Variants in RDH10 observed in about 807,000 individuals in gnomAD.
RDH10 encodes the protein retinol dehydrogenase 10.
RDH10 carries 12 observed loss-of-function variants against 30.2 expected under a neutral mutation model. The ratio of observed to expected loss-of-function variants is 0.40; its 90% CI spans 0.25 to 0.64. The LOEUF (loss-of-function observed/expected upper bound fraction) is 0.64, where lower values mean the gene tolerates loss of function less well. Among genes scored for constraint, RDH10 ranks in the 30% least tolerant of loss-of-function variants. RDH10 has a pLI of 0.43. For missense variants in RDH10, 268 were observed against 445.2 expected, an observed-to-expected ratio of 0.60 and a Z score of 3.58; for synonymous variants, 189 against 172.2, an observed-to-expected ratio of 1.10 and a Z score of -0.76.
Position 73,323,570 on chromosome 8 carries a change from A to G in RDH10, c.*534A>G, listed in dbSNP as rs1425273393. On this transcript the variant is annotated 3_prime_UTR_variant, in exon 6 of 6. Coordinates refer to ENST00000240285, the MANE Select transcript of RDH10 (RefSeq NM_172037.5). ...AAAAGGAATTTTGAAATCTCCATCAACTGAAGTAAATGATGTCTGAGTGTT... is the reference window on the plus strand; with the variant it reads ...AAAAGGAATTTTGAAATCTCCATCAGCTGAAGTAAATGATGTCTGAGTGTT... 3 of 153,586 alleles carry G rather than the reference A, an allele frequency of 2.0e-5. No individual in the cohort carries two copies. The highest frequency in any genetic ancestry group is 7.2e-5 in the African/African-American group (3 of 41,440). The allele number at this position is 153,586 out of a possible 1,614,324, so 9.5% of individuals were successfully genotyped here. A position where few individuals can be genotyped will look rare whatever the true frequency, so the allele number is the denominator to read the frequency against.
chr8:73,321,213 T>G, intron 4 of RDH10, 136 bp downstream of exon 4: 1 of 842,008 alleles, frequency 1.2e-6, no homozygotes, highest in Non-Finnish European at 1.8e-6. Flanking sequence ...ATTTGTAAAG[T>G]TTGTAAAATT....
At chr8:73,321,941 CAT>C (rs754229556) in intron 4 of RDH10, 88 of 456,262 alleles carry the variant, frequency 1.9e-4, no homozygotes, top group African/African-American at 1.2e-3. Flanking sequence ...TTATCCCACA[CAT>C]GTGTGTGTCT....
intron 2 of RDH10, among the ~76,000 whole-genome samples, chr8:73,316,949 C>T (rs2130376954): frequency 6.6e-6 from 1 of 152,262 alleles, no homozygotes; most frequent in South Asian, 2.1e-4. Flanking sequence ...CCCACCAGGC[C>T]ATACCTCTGA....
rs114058692 is a variant in RDH10 at position 73,316,813 on chromosome 8, G to A, written c.526-2283G>A. Among the ~76,000 whole-genome samples, 253 of 152,264 alleles carry A rather than the reference G, an allele frequency of 1.7e-3. 3 individuals are homozygous for A. The highest frequency in any genetic ancestry group is 5.5e-3 in the African/African-American group (230 of 41,530). The stretch of plus-strand genomic sequence containing the variant: ...ATAAACACGGCAGAAGCAGGAGGAA[G>A]CGAGGGGGTGGGGGCTGCACACGTT... On this transcript the variant is annotated intron_variant, in intron 2 of 5. Coordinates refer to ENST00000240285, the MANE Select transcript of RDH10 (RefSeq NM_172037.5).
chr8:73,325,169 C>A lies in RDH10; in HGVS notation c.*2133C>A, dbSNP rs1779011866. 1 of 152,192 alleles carries A rather than the reference C, an allele frequency of 6.6e-6. No homozygotes were observed. The highest frequency in any genetic ancestry group is 2.4e-5 in the African/African-American group (1 of 41,440). The allele number at this position is 152,192 out of a possible 1,614,324, so 9.4% of individuals were successfully genotyped here. ...CCACCTTAAAACTGAGGAAAGTCGT[C>A]TTTACATCTAATTTTATTCTTGTGT... On this transcript the variant is annotated 3_prime_UTR_variant, in exon 6 of 6. Transcript: ENST00000240285.
In RDH10 at chr8:73,320,927, C is replaced by T; in HGVS notation, c.625-5C>T. ...TATTTCTGCTTTCTCCCCTCTTTAA[C>T]TCAGGATTACTGTGCCAGTAAATTT... On this transcript the variant is annotated splice_region_variant and splice_polypyrimidine_tract_variant and intron_variant, in intron 3 of 5. Coordinates refer to ENST00000240285, the MANE Select transcript of RDH10 (RefSeq NM_172037.5). 6.2e-7 allele frequency: 1 copy of T among 1,613,974 alleles called. No individual in the cohort carries two copies. The highest frequency in any genetic ancestry group is 1.3e-5 in the African/African-American group (1 of 75,038).
chr8:73,306,376 T>C (rs1192002783), intron 2 of RDH10, among the ~76,000 whole-genome samples: 2 of 152,282 alleles, frequency 1.3e-5, no homozygotes. Flanking sequence ...TTCTTGAATT[T>C]TTTTTCTTCT....
In RDH10 at chr8:73,295,472, G is replaced by T; in HGVS notation, c.183G>T (p.Ala61=). The change falls in exon 1 of 6, where the codon GCG becomes GCT. Residue 61 remains alanine (A), a synonymous_variant. Coordinates refer to ENST00000240285, the MANE Select transcript of RDH10 (RefSeq NM_172037.5). ...LFALEFARRR[A]LLVLWDINTQ... The stretch of plus-strand genomic sequence containing the variant: ...CGCTGGAGTTCGCCCGGCGTCGGGC[G>T]CTGCTGGTGCTGTGGGACATCAACA... The T allele has an allele frequency of 6.4e-7, 1 of 1,551,968 alleles. No individual in the cohort carries two copies. Among genetic ancestry groups the T allele is most frequent in the South Asian group, 1.2e-5 (1 of 84,272 alleles).
intron 2 of RDH10, among the ~76,000 whole-genome samples, chr8:73,308,008 A>G (rs770487638): frequency 5.3e-4 from 80 of 152,276 alleles, no homozygotes; most frequent in Admixed American, 1.0e-3. Flanking sequence ...CATAGCTTGT[A>G]TTGGAGAGAG....
Position 73,306,875 on chromosome 8 carries a change from T to A in RDH10, c.525+9446T>A, listed in dbSNP as rs539660795. The stretch of plus-strand genomic sequence containing the variant: ...TTAGTGTTAGCCTAAACAATAGGGC[T>A]CAAAATAACATAAGTGGTACTTATG... On this transcript the variant is annotated intron_variant, in intron 2 of 5. Transcript: ENST00000240285. Among the ~76,000 whole-genome samples the A allele has an allele frequency of 2.6e-5, 4 of 152,292 alleles. No individual in the cohort carries two copies. The East Asian group carries it at 7.7e-4, about 29-fold the overall frequency.
At chr8:73,300,262 CA>C (rs1175864601) in intron 2 of RDH10, 7 of 152,104 alleles carry the variant, frequency 4.6e-5, no homozygotes, top group Non-Finnish European at 1.0e-4. Flanking sequence ...ATTCAGCAAC[CA>C]AAATTTAAAG....
At chr8:73,312,797 C>T (rs1256270161) in intron 2 of RDH10, 1 of 152,154 alleles carries the variant, frequency 6.6e-6, no homozygotes, top group Admixed American at 6.5e-5. Flanking sequence ...TGACCTTTCT[C>T]CCAGCGTTAT....
intron 2 of RDH10, chr8:73,311,037 T>C (rs1814554263): frequency 6.6e-6 from 1 of 152,206 alleles, no homozygotes; most frequent in African/African-American, 2.4e-5. Context: ...ACTGCACTAA[T>C]GGAGTTGATC....
At position 73,295,362 on chromosome 8, in the gene RDH10, T is replaced by C; in HGVS notation, c.73T>C (p.Trp25Arg). 6.4e-7 allele frequency: 1 copy of C among 1,560,080 alleles called. No homozygotes were observed. Among genetic ancestry groups the C allele is most frequent in the Non-Finnish European group, 8.7e-7 (1 of 1,153,738 alleles). ...GGCGTTCGTGCTGGCCGCGGCGCGC[T>C]GGCTGGTGCGGCCCAAGGAGAAGAG... ...LWAFVLAAAR[W>R]LVRPKEKSVA... Residue 25 changes from tryptophan (W) to arginine (R), a missense_variant, in exon 1 of 6, where the codon TGG becomes CGG. Around this residue, in one of 4 missense-constraint regions of RDH10, gnomAD observed 44 missense variants for 42.1 expected, o/e 1.04. Coordinates refer to ENST00000240285, the MANE Select transcript of RDH10 (RefSeq NM_172037.5).
chr8:73,297,884 C>G (rs554343691), intron 2 of RDH10: 2 of 193,658 alleles, frequency 1.0e-5, no homozygotes, highest in Non-Finnish European at 2.2e-5. Context: ...CCAGGCCACC[C>G]TGGCAGTTAC....
At position 73,294,856 on chromosome 8, in the gene RDH10, T is replaced by G. The variant is rs1322826058; in HGVS notation, c.-434T>G. ...CGGCAGCCCGCTGGCCCGTGCCGCC[T>G]CCGCTGCGCACCCCTCCCCCGGGGT... On this transcript the variant is annotated 5_prime_UTR_variant, in exon 1 of 6. Coordinates refer to ENST00000240285, the MANE Select transcript of RDH10 (RefSeq NM_172037.5). The G allele has an allele frequency of 2.6e-6, 1 of 388,590 alleles. No homozygotes were observed. 24.1% of individuals were successfully genotyped at this position (388,590 alleles called of 1,614,324 possible). A position where few individuals can be genotyped will look rare whatever the true frequency, so the allele number is the denominator to read the frequency against.
Position 73,297,199 on chromosome 8 carries a change from A to G in RDH10, c.295A>G (p.Asn99Asp). Residue 99 changes from asparagine to aspartate, a missense_variant, in exon 2 of 6, where the codon AAT becomes GAT. Asn to Asp is a conservative substitution (Grantham distance 23). Around this residue, in one of 4 missense-constraint regions of RDH10, gnomAD observed 46 missense variants for 36.7 expected, o/e 1.25. Coordinates refer to ENST00000240285, the MANE Select transcript of RDH10 (RefSeq NM_172037.5). ...AADAAALQAG[N>D]GEEEILPHCN... ...ATCTGGACTTCTGAGGACAGCTGGG[A>G]ATGGTGAGGAAGAAATTCTGCCCCA... The G allele has an allele frequency of 1.3e-6, 2 of 1,598,530 alleles. No homozygotes were observed. The highest frequency in any genetic ancestry group is 1.7e-6 in the Non-Finnish European group (2 of 1,165,802).
intron 2 of RDH10, among the ~76,000 whole-genome samples, chr8:73,314,426 C>T (rs1316495715): frequency 1.1e-4 from 17 of 152,166 alleles, no homozygotes; most frequent in Admixed American, 1.0e-3. Flanking sequence ...TTTAATAATG[C>T]GCCCCAGACA....
intron 3 of RDH10, among the ~76,000 whole-genome samples, chr8:73,319,574 A>G (rs1814730354): frequency 6.6e-6 from 1 of 152,174 alleles, no homozygotes; most frequent in Admixed American, 6.5e-5. Flanking sequence ...CTGCCATAAA[A>G]TCTCTTACAC....
Sources: allele counts gnomAD v4.1 joint callset (sites outside exome capture counted in the v4.1 genomes callset), GRCh38; gene constraint gnomAD v4.1.1; regional missense constraint gnomAD v4.1.1; transcripts MANE v1.5; gene names NCBI Gene and HGNC (gene_info 2026-07-23, HGNC 2026-07-21).